Variants in FMN1 observed in about 807,000 individuals in gnomAD.
FMN1 encodes formin-1.
FMN1 carries 110 observed loss-of-function variants against 132.4 expected under a neutral mutation model. The observed-to-expected ratio is 0.83, with a 90% CI of 0.71 to 0.97. The LOEUF is 0.97. FMN1 is among the 50% of genes least tolerant of loss of function. FMN1 has a pLI of 0.00. For synonymous variants in FMN1, 722 were observed against 651.7 expected (o/e 1.11, Z -1.64); for missense variants, 1,792 against 1,705.3 (o/e 1.05, Z -0.90).
At chr15:33,054,377 TA>T (rs2037120327) in intron 6 of FMN1, among the ~76,000 whole-genome samples, 1 of 152,224 alleles carries the variant, frequency 6.6e-6, no homozygotes, top group Admixed American at 6.5e-5. Flanking sequence ...TTTTTTCATC[TA>T]AATATTCTTA....
chr15:33,044,185 A>G (rs1251508315), intron 6 of FMN1, among the ~76,000 whole-genome samples: 2 of 152,138 alleles, frequency 1.3e-5, no homozygotes, highest in Non-Finnish European at 2.9e-5. Flanking sequence ...GAGGCTGAGG[A>G]GGGGCTGAGG....
At chr15:33,018,272 G>C (rs937071506) in intron 6 of FMN1, among the ~76,000 whole-genome samples, 1 of 151,990 alleles carries the variant, frequency 6.6e-6, no homozygotes, top group African/African-American at 2.4e-5. Context: ...CCAAAGTGAT[G>C]TCTTTTTTTT....
At chr15:32,891,846 G>C (rs1260062636) in intron 15 of FMN1, among the ~76,000 whole-genome samples, 1 of 152,040 alleles carries the variant, frequency 6.6e-6, no homozygotes, top group African/African-American at 2.4e-5. Context: ...TTCTTGATTT[G>C]ATTCTCTGCT....
chr15:33,004,522 T>C (rs1228010722), intron 7 of FMN1, among the ~76,000 whole-genome samples: 1 of 152,104 alleles, frequency 6.6e-6, no homozygotes, highest in Non-Finnish European at 1.5e-5. Context: ...ATGGCGATCA[T>C]TAAAGTCAGG....
intron 4 of FMN1, chr15:33,150,526 A>C: frequency 6.1e-6 from 6 of 985,466 alleles, no homozygotes; most frequent in Non-Finnish European, 7.2e-6. Context: ...AACCCAACAG[A>C]AGGTGCATCG....
chr15:33,030,912 T>A (rs1470751088), intron 6 of FMN1, among the ~76,000 whole-genome samples: 1 of 152,174 alleles, frequency 6.6e-6, no homozygotes, highest in Admixed American at 6.5e-5. Flanking sequence ...CATGGTGGTT[T>A]GCTGCACCCA....
At chr15:33,158,003 A>G (rs1964743277) in intron 3 of FMN1, among the ~76,000 whole-genome samples, 1 of 150,974 alleles carries the variant, frequency 6.6e-6, no homozygotes, top group Admixed American at 6.6e-5. Flanking sequence ...CAAAAAAAAA[A>G]AAAAAAAGAA....
At chr15:33,093,060 A>G (rs1313469417) in intron 4 of FMN1, among the ~76,000 whole-genome samples, 3 of 152,270 alleles carry the variant, frequency 2.0e-5, no homozygotes, top group Non-Finnish European at 2.9e-5. Flanking sequence ...AACATACTAT[A>G]TAACCAGCAG....
chr15:33,011,908 A>G (rs1197875028), intron 6 of FMN1, among the ~76,000 whole-genome samples: 3 of 152,240 alleles, frequency 2.0e-5, no homozygotes, highest in African/African-American at 7.2e-5. Context: ...ATGCAGAACA[A>G]TGGAAACTTC....
At chr15:32,875,070 A>G (rs2059607095) in intron 16 of FMN1, among the ~76,000 whole-genome samples, 1 of 152,216 alleles carries the variant, frequency 6.6e-6, no homozygotes, top group African/African-American at 2.4e-5. Flanking sequence ...TCTCTCACTC[A>G]GTAATTCCTT....
At chr15:32,921,371 AG>A (rs1472062025) in intron 10 of FMN1, among the ~76,000 whole-genome samples, 1 of 152,192 alleles carries the variant, frequency 6.6e-6, no homozygotes, top group East Asian at 1.9e-4. Flanking sequence ...AGTTGGCTAG[AG>A]TGCAGTGAGA....
At chr15:32,856,931 A>G (rs1281803281) in intron 17 of FMN1, 84 bp downstream of exon 17, 5 of 957,986 alleles carry the variant, frequency 5.2e-6, no homozygotes, top group Non-Finnish European at 8.4e-6. Flanking sequence ...CCAGGATGCC[A>G]GGGGCCGTGG....
intron 17 of FMN1, among the ~76,000 whole-genome samples, chr15:32,820,019 T>C (rs926998029): frequency 6.6e-6 from 1 of 152,204 alleles, no homozygotes; most frequent in African/African-American, 2.4e-5. Context: ...ACATCAGTGT[T>C]AAACAAAATA....
At chr15:32,990,677 G>A (rs373146494) in intron 7 of FMN1, among the ~76,000 whole-genome samples, 19 of 152,274 alleles carry the variant, frequency 1.2e-4, no homozygotes, top group Admixed American at 3.3e-4. Context: ...CTGCTGTAAA[G>A]AACTGCCCCA....
intron 4 of FMN1, among the ~76,000 whole-genome samples, chr15:33,140,362 G>GA (rs149937954): frequency 0.44 from 66,458 of 151,522 alleles, 15,738 homozygotes; most frequent in South Asian, 0.55. Context: ...TAATTTTAGT[G>GA]GTACATCAAA....
chr15:33,113,434 G>A (rs1045508556), intron 4 of FMN1, among the ~76,000 whole-genome samples: 1 of 151,836 alleles, frequency 6.6e-6, no homozygotes, highest in Non-Finnish European at 1.5e-5. Context: ...AATTTTTGTT[G>A]TTGTCTTATA....
At chr15:33,156,784 C>A (rs1964688831) in intron 3 of FMN1, among the ~76,000 whole-genome samples, 1 of 152,114 alleles carries the variant, frequency 6.6e-6, no homozygotes, top group Non-Finnish European at 1.5e-5. Flanking sequence ...CCGCTGAGCA[C>A]TAAGCATTAG....
intron 17 of FMN1, 105 bp from the exon 18 acceptor site, chr15:32,804,437 C>T (rs1351518373): frequency 8.4e-5 from 2 of 23,774 alleles, no homozygotes; most frequent in Non-Finnish European, 1.4e-4. Context: ...GGTCTGAATT[C>T]GGGGGGGGGG....
intron 6 of FMN1, among the ~76,000 whole-genome samples, chr15:33,060,789 G>A (rs1163105281): frequency 6.6e-6 from 1 of 152,220 alleles, no homozygotes; most frequent in African/African-American, 2.4e-5. Context: ...CAGAAAGCAC[G>A]AGTGTTTTTC....
Sources: gnomAD v4.1 joint callset for allele counts (sites outside exome capture counted in the v4.1 genomes callset) on GRCh38, gnomAD v4.1.1 for gene constraint, MANE v1.5 for transcripts, NCBI Gene and HGNC (gene_info 2026-07-23, HGNC 2026-07-21) for gene names.